FBXL13: variants seen among roughly 807,000 people sequenced by gnomAD.
The protein encoded by FBXL13 is F-box and leucine rich repeat protein 13.
A neutral mutation model predicts 83.6 loss-of-function variants in FBXL13; 67 were observed. The observed-to-expected ratio is 0.80, with a 90% CI of 0.66 to 0.98. The LOEUF (loss-of-function observed/expected upper bound fraction) is 0.98, where lower values mean the gene tolerates loss of function less well. Among genes scored for constraint, FBXL13 ranks in the 50% least tolerant of loss-of-function variants. The pLI, the probability that FBXL13 is intolerant of heterozygous loss-of-function variation, is 0.00. For missense variants in FBXL13, 822 were observed against 866.5 expected, an observed-to-expected ratio of 0.95 and a Z score of 0.64; for synonymous variants, 272 against 299.5, an observed-to-expected ratio of 0.91 and a Z score of 0.95.
At chr7:102,934,578 C>G in intron 8 of FBXL13, 1 of 1,613,958 alleles carries the variant, frequency 6.2e-7, no homozygotes, top group Non-Finnish European at 8.5e-7. Flanking sequence ...CAATTGGACC[C>G]GAAACCCCAA....
At chr7:102,874,381 GT>G in intron 16 of FBXL13, 4 of 985,234 alleles carry the variant, frequency 4.1e-6, no homozygotes, top group Non-Finnish European at 4.8e-6. Context: ...TTAGTTCAGA[GT>G]TTAACTGACT....
chr7:102,943,707 C>T (rs549006581), intron 8 of FBXL13, among the ~76,000 whole-genome samples: 1 of 152,282 alleles, frequency 6.6e-6, no homozygotes, highest in Non-Finnish European at 1.5e-5. Context: ...ATTACATATA[C>T]GTTTTCAGGA....
Position 102,966,979 on chromosome 7 carries a change from T to G in FBXL13, c.591+1043A>C, listed in dbSNP as rs532001157. On this transcript the variant is annotated intron_variant, in intron 7 of 19. Coordinates refer to ENST00000313221, the Ensembl canonical transcript of FBXL13. Reference sequence around the variant, plus strand: ...TTGTAATCCTGTTTTGGTTTTTTTGTTTTTTTTTTGAGATGGAGTCTCACT... The same window carrying G: ...TTGTAATCCTGTTTTGGTTTTTTTGGTTTTTTTTTGAGATGGAGTCTCACT... 4.7e-5 allele frequency among the ~76,000 whole-genome samples: 7 copies of G among 148,024 alleles called. No homozygotes were observed. In the South Asian group the frequency reaches 6.4e-4, roughly 14 times the overall value.
chr7:103,023,632 A>G (rs1215822491), intron 6 of FBXL13, among the ~76,000 whole-genome samples: 1 of 152,230 alleles, frequency 6.6e-6, no homozygotes, highest in African/African-American at 2.4e-5. Context: ...GTATATGCCC[A>G]AAGGAATATA....
At chr7:102,865,163 C>G (rs1395014535) in intron 16 of FBXL13, among the ~76,000 whole-genome samples, 1 of 152,162 alleles carries the variant, frequency 6.6e-6, no homozygotes, top group Non-Finnish European at 1.5e-5. Context: ...TTTATACGGA[C>G]TCAATTTTCT....
intron 6 of FBXL13, among the ~76,000 whole-genome samples, chr7:102,977,925 CAT>C (rs1254248664): frequency 2.0e-5 from 3 of 151,966 alleles, no homozygotes; most frequent in African/African-American, 7.3e-5. Context: ...GGAAGGGGAA[CAT>C]CACACACCGG....
At chr7:103,030,199 G>A (rs1794358744) in intron 2 of FBXL13, 1 of 152,008 alleles carries the variant, frequency 6.6e-6, no homozygotes, top group Non-Finnish European at 1.5e-5. Flanking sequence ...CTTTTCTAAG[G>A]CAAATGTTTT....
chr7:102,997,418 GGAA>G (rs1789924996), intron 6 of FBXL13, among the ~76,000 whole-genome samples: 2 of 152,086 alleles, frequency 1.3e-5, no homozygotes, highest in Admixed American at 6.6e-5. Context: ...TCTTTTTATG[GGAA>G]GACTCCAGTT....
At chr7:102,950,061 T>C (rs919579703) in intron 8 of FBXL13, among the ~76,000 whole-genome samples, 2 of 151,976 alleles carry the variant, frequency 1.3e-5, no homozygotes, top group African/African-American at 4.8e-5. Context: ...GCCAAGATTG[T>C]ACCACTATAT....
At chr7:103,060,957 G>C (rs1404999756) in intron 1 of FBXL13, among the ~76,000 whole-genome samples, 1 of 152,142 alleles carries the variant, frequency 6.6e-6, no homozygotes, top group African/African-American at 2.4e-5. Flanking sequence ...TGTTTTGGGA[G>C]ATATCTTAAT....
At chr7:102,933,942 T>A (rs1210698487) in intron 8 of FBXL13, 2 of 1,611,658 alleles carry the variant, frequency 1.2e-6, no homozygotes, top group African/African-American at 2.7e-5. Flanking sequence ...GTAATCTTGC[T>A]CTGCTTTTGC....
chr7:102,893,553 T>A (rs1351566219), intron 11 of FBXL13, among the ~76,000 whole-genome samples: 3 of 151,582 alleles, frequency 2.0e-5, no homozygotes, highest in African/African-American at 7.3e-5. Flanking sequence ...GATCACAAGG[T>A]CAGGAGATTG....
At chr7:102,992,440 CAGG>C (rs1271296878) in intron 6 of FBXL13, among the ~76,000 whole-genome samples, 1 of 152,192 alleles carries the variant, frequency 6.6e-6, no homozygotes, top group African/African-American at 2.4e-5. Context: ...ACCCAGACTC[CAGG>C]GCACATTCTC....
intron 6 of FBXL13, among the ~76,000 whole-genome samples, chr7:102,969,853 G>A (rs1307545653): frequency 2.8e-4 from 40 of 140,364 alleles, no homozygotes; most frequent in African/African-American, 1.1e-3. Flanking sequence ...GGGGAGGGGA[G>A]GGAAAAGAAA....
intron 6 of FBXL13, among the ~76,000 whole-genome samples, chr7:103,021,923 G>A (rs952429447): frequency 2.0e-5 from 3 of 152,182 alleles, no homozygotes; most frequent in Non-Finnish European, 4.4e-5. Flanking sequence ...TCAGTGTGGT[G>A]ATTCCTCAAG....
chr7:103,072,694 A>C (rs1310408683), intron 1 of FBXL13, among the ~76,000 whole-genome samples: 2 of 151,972 alleles, frequency 1.3e-5, no homozygotes, highest in Admixed American at 1.3e-4. Flanking sequence ...CCACTTTCTG[A>C]CCCCCACCTC....
At chr7:102,880,845 G>C (rs941939702) in intron 14 of FBXL13, among the ~76,000 whole-genome samples, 9 of 152,162 alleles carry the variant, frequency 5.9e-5, no homozygotes, top group Admixed American at 4.6e-4. Context: ...AGAAGTCTCA[G>C]GTTCTGCCTC....
chr7:103,043,695 G>A (rs1795986136), intron 2 of FBXL13, among the ~76,000 whole-genome samples: 1 of 151,982 alleles, frequency 6.6e-6, no homozygotes, highest in African/African-American at 2.4e-5. Context: ...TGCATTTTTA[G>A]TAAAGACAGG....
Position 102,856,604 on chromosome 7 carries a change from G to A in FBXL13, c.1636-1744C>T, listed in dbSNP as rs114968022. Among the ~76,000 whole-genome samples the A allele has an allele frequency of 4.4e-3, 676 of 152,274 alleles. 5 individuals carry two copies. The highest frequency in any genetic ancestry group is 0.016 in the African/African-American group (647 of 41,556). ...TTAAAATATTAAAACAGAATGTCATGTCTCATCACTGTAATTGTTCATTAA... is the reference window on the plus strand; with the variant it reads ...TTAAAATATTAAAACAGAATGTCATATCTCATCACTGTAATTGTTCATTAA... On this transcript the variant is annotated intron_variant, in intron 16 of 19. Transcript: ENST00000313221.
Sources: allele counts gnomAD v4.1 joint callset (sites outside exome capture counted in the v4.1 genomes callset), GRCh38; gene constraint gnomAD v4.1.1; transcripts MANE v1.5; gene names NCBI Gene and HGNC (gene_info 2026-07-23, HGNC 2026-07-21).